Variants in EPC1 observed in about 807,000 individuals in gnomAD.
The protein encoded by EPC1 is enhancer of polycomb 1.
Under a neutral mutation model 98.4 loss-of-function variants are expected in EPC1, and 12 were observed. That is an observed-to-expected ratio of 0.12 (90% CI 0.08 to 0.20). The LOEUF is 0.20. EPC1 is among the 10% of genes least tolerant of loss of function. The pLI is 1.00. For synonymous variants in EPC1, 357 were observed against 363.9 expected (o/e 0.98, Z 0.21); for missense variants, 729 against 990.5 (o/e 0.74, Z 3.54).
At chr10:32,324,508 C>A (rs1327725243) in intron 1 of EPC1, among the ~76,000 whole-genome samples, 2 of 148,612 alleles carry the variant, frequency 1.3e-5, no homozygotes, top group African/African-American at 5.0e-5. Flanking sequence ...CCAGCCTGGG[C>A]TACAGAGTGA....
chr10:32,302,864 T>G (rs114022296), intron 2 of EPC1, among the ~76,000 whole-genome samples: 3,772 of 152,144 alleles, frequency 0.025, 155 homozygotes, highest in African/African-American at 0.087. Context: ...GCTAGAGAGA[T>G]ATGGAGAAAC....
chr10:32,325,834 A>C (rs1040123801), intron 1 of EPC1, among the ~76,000 whole-genome samples: 1 of 152,102 alleles, frequency 6.6e-6, no homozygotes. Flanking sequence ...CCAGTGATAA[A>C]TGGTAGCAGA....
chr10:32,345,694 C>A, intron 1 of EPC1: 1 of 908,010 alleles, frequency 1.1e-6, no homozygotes, highest in Non-Finnish European at 1.3e-6. Flanking sequence ...GGTAAAGCCA[C>A]AGCGATGGTA....
At position 32,366,707 on chromosome 10, in the gene EPC1, A is replaced by C. The variant is rs575100935; in HGVS notation, c.3+11784T>G. Among the ~76,000 whole-genome samples the C allele has an allele frequency of 1.2e-4, 18 of 152,258 alleles. No homozygotes were observed. In the East Asian group the frequency reaches 1.9e-3, roughly 16 times the overall value. ...AAAGCAAAATGACAGAACAAAAAGC[A>C]GCACACAGAGTGCAACCCACACAGT... On this transcript the variant is annotated intron_variant, in intron 1 of 13. Coordinates refer to the EPC1 transcript ENST00000375110.
intron 1 of EPC1, among the ~76,000 whole-genome samples, chr10:32,367,785 A>G (rs561831741): frequency 5.6e-4 from 86 of 152,368 alleles, no homozygotes; most frequent in South Asian, 1.9e-3. Context: ...TATCCTCTCA[A>G]ATAAACAGCA....
intron 1 of EPC1, among the ~76,000 whole-genome samples, chr10:32,335,547 G>C (rs1282614393): frequency 1.3e-5 from 2 of 151,764 alleles, no homozygotes; most frequent in African/African-American, 4.8e-5. Context: ...CACTCTCCTT[G>C]CTTCCCATTG....
chr10:32,322,545 A>G (rs1592595669), intron 1 of EPC1, among the ~76,000 whole-genome samples: 1 of 152,254 alleles, frequency 6.6e-6, no homozygotes, highest in South Asian at 2.1e-4. Context: ...TCTATCAAAA[A>G]TAACAGATTT....
At chr10:32,336,862 G>C (rs1369082166) in intron 1 of EPC1, among the ~76,000 whole-genome samples, 1 of 152,134 alleles carries the variant, frequency 6.6e-6, no homozygotes, top group East Asian at 1.9e-4. Flanking sequence ...GAGAGGATGG[G>C]ATTATTTCAT....
In EPC1 at chr10:32,291,389, T is replaced by C. The variant is rs1234769854; in HGVS notation, c.816-67A>G. 2.4e-5 allele frequency: 29 copies of C among 1,191,500 alleles called. No individual in the cohort carries two copies. In the East Asian group the frequency reaches 6.7e-4, roughly 27 times the overall value. The allele number at this position is 1,191,500 out of a possible 1,614,324, so 73.8% of individuals were successfully genotyped here. ...AGGAATACAATGTGATGTTTTGATATACATTTATACTGTGAAATAATTACC... is the reference window on the plus strand; with the variant it reads ...AGGAATACAATGTGATGTTTTGATACACATTTATACTGTGAAATAATTACC... On this transcript the variant is annotated intron_variant, in intron 5 of 13. Coordinates refer to ENST00000319778, the MANE Select transcript of EPC1 (RefSeq NM_001272004.3).
intron 1 of EPC1, among the ~76,000 whole-genome samples, chr10:32,372,268 G>C (rs1292826131): frequency 6.6e-6 from 1 of 152,126 alleles, no homozygotes; most frequent in Admixed American, 6.5e-5. Flanking sequence ...GGTGATTCTA[G>C]GGCACACCAA....
intron 1 of EPC1, among the ~76,000 whole-genome samples, chr10:32,329,725 A>T (rs1348456580): frequency 1.3e-5 from 2 of 152,208 alleles, no homozygotes; most frequent in African/African-American, 4.8e-5. Context: ...GTCATTTATT[A>T]AAAAAATTAC....
At position 32,338,625 on chromosome 10, in the gene EPC1, G is replaced by T. The variant is rs536549499; in HGVS notation, c.153+8138C>A. 2.6e-5 allele frequency among the ~76,000 whole-genome samples: 4 copies of T among 152,148 alleles called. No individual in the cohort carries two copies. The South Asian group carries it at 8.3e-4, about 32-fold the overall frequency. On this transcript the variant is annotated intron_variant, in intron 1 of 13. Coordinates refer to ENST00000319778, the MANE Select transcript of EPC1 (RefSeq NM_001272004.3). The stretch of plus-strand genomic sequence containing the variant: ...ACAATGGCCTCCTGTTTCAGCTCAG[G>T]CTCTGTGCACCTGTAGGTCTCTCTG...
intron 1 of EPC1, among the ~76,000 whole-genome samples, chr10:32,312,000 T>C (rs1244125977): frequency 6.6e-6 from 1 of 152,210 alleles, no homozygotes; most frequent in Admixed American, 6.5e-5. Flanking sequence ...ACTTAATATT[T>C]TCAGACTGCA....
At chr10:32,303,518 C>A (rs554089406) in intron 2 of EPC1, among the ~76,000 whole-genome samples, 1 of 152,044 alleles carries the variant, frequency 6.6e-6, no homozygotes, top group South Asian at 2.1e-4. Flanking sequence ...ACTGAATGAA[C>A]CTGTGATACT....
At chr10:32,323,261 C>CCCAGTA (rs1837046043) in intron 1 of EPC1, among the ~76,000 whole-genome samples, 4 of 152,010 alleles carry the variant, frequency 2.6e-5, no homozygotes, top group Non-Finnish European at 5.9e-5. Context: ...ACAAAATCCC[C>CCCAGTA]CCCAGTGTAA....
intron 1 of EPC1, among the ~76,000 whole-genome samples, chr10:32,359,473 A>AT (rs1259727397): frequency 6.6e-6 from 1 of 152,214 alleles, no homozygotes; most frequent in Non-Finnish European, 1.5e-5. Context: ...TTTGACACTA[A>AT]TTTAAGCTAT....
intron 10 of EPC1, chr10:32,283,570 A>C (rs1222810541): frequency 2.6e-5 from 4 of 152,134 alleles, no homozygotes; most frequent in Non-Finnish European, 5.9e-5. Flanking sequence ...TAGCCTCCCA[A>C]AGTGCTGGGA....
chr10:32,314,849 T>C (rs1458243794), intron 1 of EPC1, among the ~76,000 whole-genome samples: 1 of 152,256 alleles, frequency 6.6e-6, no homozygotes. Context: ...GGTGGGTATC[T>C]TTGCTGCTAT....
At chr10:32,333,169 C>A (rs547496821) in intron 1 of EPC1, among the ~76,000 whole-genome samples, 2 of 152,220 alleles carry the variant, frequency 1.3e-5, no homozygotes, top group Non-Finnish European at 2.9e-5. Context: ...GGCGAAACCC[C>A]GTCTCTACTA....
Sources: gnomAD v4.1 joint callset for allele counts (sites outside exome capture counted in the v4.1 genomes callset) on GRCh38, gnomAD v4.1.1 for gene constraint, MANE v1.5 for transcripts, NCBI Gene and HGNC (gene_info 2026-07-23, HGNC 2026-07-21) for gene names.